Variants in MRAP observed in about 807,000 individuals in gnomAD.
MRAP encodes the protein melanocortin-2 receptor accessory protein.
Under a neutral mutation model 8.7 loss-of-function variants are expected in MRAP, and 8 were observed. The observed-to-expected ratio is 0.92, with a 90% CI of 0.54 to 1.66. MRAP has a LOEUF of 1.66. Among genes scored for constraint, MRAP ranks in the 40% most tolerant of loss-of-function variants. MRAP has a pLI of 0.00. For synonymous variants in MRAP, 95 were observed against 95.5 expected, an observed-to-expected ratio of 1.00 and a Z score of 0.03; for missense variants, 237 against 217.1, an observed-to-expected ratio of 1.09 and a Z score of -0.58.
Position 32,306,978 on chromosome 21 carries a change from G to A in MRAP, c.206+239G>A, listed in dbSNP as rs748615067. Among the ~76,000 whole-genome samples, 4 of 152,284 alleles carry A rather than the reference G, an allele frequency of 2.6e-5. No homozygotes were observed. In the East Asian group the frequency reaches 7.7e-4, roughly 29 times the overall value. On this transcript the variant is annotated intron_variant, in intron 2 of 2. Transcript: ENST00000303645. ...CTCAGTATGTTGCAGATTTTGCAGC[G>A]TTTCAGATTTTCGGGTTTGGGATGC...
chr21:32,307,797 C>T (rs2032456352), intron 2 of MRAP, among the ~76,000 whole-genome samples: 1 of 152,016 alleles, frequency 6.6e-6, no homozygotes, highest in Admixed American at 6.6e-5. Context: ...TCACTAGAGC[C>T]CAGCAGGTCA....
At chr21:32,295,565 G>A (rs2032124957), upstream of MRAP, among the ~76,000 whole-genome samples, 1 of 152,148 alleles carries the variant, frequency 6.6e-6, no homozygotes, top group South Asian at 2.1e-4. Flanking sequence ...CGACACTCCT[G>A]GTGTATGTGT....
intron 2 of MRAP, chr21:32,310,915 G>A (rs773346889): frequency 6.6e-6 from 1 of 152,246 alleles, no homozygotes; most frequent in Admixed American, 6.5e-5. Context: ...AAAGTGCTAG[G>A]ATTACAGGTG....
chr21:32,295,620 A>G (rs374318287), upstream of MRAP, among the ~76,000 whole-genome samples: 127 of 152,224 alleles, frequency 8.3e-4, 2 homozygotes, highest in South Asian at 0.025. Flanking sequence ...CTAGCTACCC[A>G]TTATAACAGT....
chr21:32,301,420 G>A (rs1429444261), intron 1 of MRAP, among the ~76,000 whole-genome samples: 3 of 152,098 alleles, frequency 2.0e-5, no homozygotes, highest in African/African-American at 7.2e-5. Context: ...CTCTTGCTCT[G>A]GCCATGGAAA....
intron 1 of MRAP, among the ~76,000 whole-genome samples, chr21:32,292,681 T>C (rs992064760): frequency 1.3e-5 from 2 of 151,992 alleles, no homozygotes; most frequent in African/African-American, 4.8e-5. Flanking sequence ...GGTCTCGAAC[T>C]CCTGACCTCA....
upstream of MRAP, among the ~76,000 whole-genome samples, chr21:32,296,457 A>G (rs866227192): frequency 1.1e-4 from 16 of 152,208 alleles, no homozygotes; most frequent in Admixed American, 7.9e-4. Context: ...ATATTTTGAT[A>G]TAAGAAACAT....
At chr21:32,303,337 T>A (rs1380283469) in intron 1 of MRAP, among the ~76,000 whole-genome samples, 1 of 152,146 alleles carries the variant, frequency 6.6e-6, no homozygotes, top group Non-Finnish European at 1.5e-5. Flanking sequence ...GAATGAAGAA[T>A]GGAGGAATGC....
chr21:32,300,435 A>C (rs1457398660), intron 1 of MRAP, among the ~76,000 whole-genome samples: 1 of 150,604 alleles, frequency 6.6e-6, no homozygotes, highest in Admixed American at 6.6e-5. Flanking sequence ...CGGATGCGTC[A>C]TGCGTCCTAT....
chr21:32,298,218 C>T (rs1029350317), upstream of MRAP, among the ~76,000 whole-genome samples: 1 of 152,140 alleles, frequency 6.6e-6, no homozygotes, highest in Non-Finnish European at 1.5e-5. Context: ...TGGTATCAGC[C>T]AAGAGCTGAG....
At chr21:32,300,087 T>C (rs942527042) in intron 1 of MRAP, among the ~76,000 whole-genome samples, 2 of 152,198 alleles carry the variant, frequency 1.3e-5, no homozygotes, top group Non-Finnish European at 2.9e-5. Flanking sequence ...CTCACTATAA[T>C]CACATACTGT....
At chr21:32,296,541 G>A (rs2032142329), upstream of MRAP, among the ~76,000 whole-genome samples, 1 of 152,152 alleles carries the variant, frequency 6.6e-6, no homozygotes, top group African/African-American at 2.4e-5. Flanking sequence ...GTTATTGTGT[G>A]AACATCAGAG....
At chr21:32,302,377 ATG>A (rs2123505064) in intron 1 of MRAP, among the ~76,000 whole-genome samples, 1 of 152,330 alleles carries the variant, frequency 6.6e-6, no homozygotes, top group African/African-American at 2.4e-5. Flanking sequence ...TGATGAATAT[ATG>A]TGTTTTAGTA....
upstream of MRAP, among the ~76,000 whole-genome samples, chr21:32,297,661 C>T (rs1351220824): frequency 6.6e-6 from 1 of 152,194 alleles, no homozygotes; most frequent in Non-Finnish European, 1.5e-5. Context: ...GATTGAGTTA[C>T]ATTGTAGGAC....
At position 32,311,418 on chromosome 21, in the gene MRAP, C is replaced by G. The variant is rs73901394; in HGVS notation, c.207-266C>G. ...AACCTGCTCCCCTCCACCCCCCACC[C>G]CCCCCATCCTAAATCAATGTAGGAA... is the stretch of plus-strand genomic sequence containing the variant. On this transcript the variant is annotated intron_variant, in intron 2 of 2. Coordinates refer to ENST00000303645, the MANE Select transcript of MRAP (RefSeq NM_001379228.1). The G allele has an allele frequency of 1.8e-3, 546 of 299,110 alleles. 2 individuals carry two copies. Among genetic ancestry groups the G allele is most frequent in the East Asian group, 0.014 (250 of 17,888 alleles). The allele number at this position is 299,110 out of a possible 1,614,324, so 18.5% of individuals were successfully genotyped here. A position where few individuals can be genotyped will look rare whatever the true frequency, so the allele number is the denominator to read the frequency against.
At chr21:32,306,257 C>A (rs1450686892) in intron 1 of MRAP, among the ~76,000 whole-genome samples, 1 of 152,200 alleles carries the variant, frequency 6.6e-6, no homozygotes, top group South Asian at 2.1e-4. Context: ...GCCCAGGAGT[C>A]CTTCCTAACA....
rs752574904 is a variant in MRAP, at chr21:32,299,020, T to C, written c.49T>C (p.Tyr17His). ...TGCCCCATACTACAGCTATGAATAC[T>C]ACCTGGACTATCTGGACCTCATTCC... ...ASAPYYSYEY[Y>H]LDYLDLIPVD... The change falls in exon 1 of 3, where the codon TAC becomes CAC. Residue 17 changes from tyrosine to histidine, a missense_variant. Transcript: ENST00000303645. 2.5e-6 allele frequency: 4 copies of C among 1,614,180 alleles called. No individual in the cohort carries two copies. The highest frequency in any genetic ancestry group is 3.4e-6 in the Non-Finnish European group (4 of 1,180,024).
At chr21:32,312,432 T>C, downstream of MRAP, 2 of 648,810 alleles carry the variant, frequency 3.1e-6, no homozygotes, top group Non-Finnish European at 4.2e-6. Flanking sequence ...ACCCGCCGGC[T>C]CCCCCAGATG....
downstream of MRAP, chr21:32,314,262 G>C (rs545645991): frequency 2.7e-6 from 1 of 371,236 alleles, no homozygotes; most frequent in Admixed American, 3.8e-5. Context: ...TCAGCTCACT[G>C]TAGCCTCCAC....
Sources: gnomAD v4.1 joint callset for allele counts (sites outside exome capture counted in the v4.1 genomes callset) on GRCh38, gnomAD v4.1.1 for gene constraint, MANE v1.5 for transcripts, NCBI Gene and HGNC (gene_info 2026-07-23, HGNC 2026-07-21) for gene names.